MARCHF1: variants seen among roughly 807,000 people sequenced by gnomAD.
MARCHF1 encodes the protein E3 ubiquitin-protein ligase MARCHF1.
Under a neutral mutation model 54.2 loss-of-function variants are expected in MARCHF1, and 40 were observed. The observed-to-expected ratio is 0.74, with a 90% confidence interval of 0.57 to 0.96. The LOEUF is 0.96. Among genes scored for constraint, MARCHF1 ranks in the 40% least tolerant of loss-of-function variants. MARCHF1 has a pLI of 0.00. For missense variants in MARCHF1, 586 were observed against 656.5 expected, an observed-to-expected ratio of 0.89 and a Z score of 1.17; for synonymous variants, 236 against 236.3, an observed-to-expected ratio of 1.00 and a Z score of 0.01.
At chr4:163,602,114 G>A (rs748162989) in intron 7 of MARCHF1, among the ~76,000 whole-genome samples, 6 of 151,882 alleles carry the variant, frequency 4.0e-5, no homozygotes, top group African/African-American at 9.7e-5. Context: ...GTGTGTGTGC[G>A]TCAGTGTCTT....
chr4:163,636,928 C>A (rs1355246300), intron 5 of MARCHF1, among the ~76,000 whole-genome samples: 2 of 152,172 alleles, frequency 1.3e-5, no homozygotes, highest in East Asian at 3.9e-4. Context: ...ACAGAGCCCT[C>A]AGAAATAACG....
rs1738172480 is a variant in MARCHF1 at position 163,527,702 on chromosome 4, A to G, written c.*1046T>C. 2 of 151,870 alleles carry G rather than the reference A, an allele frequency of 1.3e-5. No homozygotes were observed. Among genetic ancestry groups the G allele is most frequent in the Admixed American group, 6.6e-5 (1 of 15,244 alleles). 9.4% of individuals were successfully genotyped at this position (151,870 alleles called of 1,614,324 possible). A position where few individuals can be genotyped will look rare whatever the true frequency, so the allele number is the denominator to read the frequency against. On this transcript the variant is annotated 3_prime_UTR_variant, in exon 10 of 10. Transcript: ENST00000514618. The stretch of plus-strand genomic sequence containing the variant: ...CTCAACAACTGTTAAATAAAGCAGA[A>G]GCTTAGTCTCTAATTTTACGGCTGT...
chr4:163,799,342 T>C (rs751478962), intron 4 of MARCHF1, among the ~76,000 whole-genome samples: 1 of 152,134 alleles, frequency 6.6e-6, no homozygotes, highest in Non-Finnish European at 1.5e-5. Flanking sequence ...TGTTCCTTAA[T>C]TTGCAAGTTT....
At chr4:163,547,963 A>G (rs529107484) in intron 8 of MARCHF1, among the ~76,000 whole-genome samples, 45 of 152,270 alleles carry the variant, frequency 3.0e-4, no homozygotes, top group African/African-American at 7.2e-4. Flanking sequence ...ACAAAGGGTA[A>G]ATATTAATAA....
intron 1 of MARCHF1, among the ~76,000 whole-genome samples, chr4:164,160,212 G>C (rs1308699599): frequency 6.6e-6 from 1 of 152,064 alleles, no homozygotes; most frequent in African/African-American, 2.4e-5. Context: ...ATGCATCCTT[G>C]GGTGATTTCC....
chr4:164,209,312 C>T (rs1437316779), intron 1 of MARCHF1, among the ~76,000 whole-genome samples: 1 of 152,140 alleles, frequency 6.6e-6, no homozygotes, highest in African/African-American at 2.4e-5. Context: ...AATATATCTT[C>T]CAAGATCTCC....
At chr4:164,317,839 C>T (rs953143107) in intron 1 of MARCHF1, among the ~76,000 whole-genome samples, 1 of 152,066 alleles carries the variant, frequency 6.6e-6, no homozygotes, top group African/African-American at 2.4e-5. Context: ...AGGCTGAGGG[C>T]CTACTAAACA....
intron 1 of MARCHF1, among the ~76,000 whole-genome samples, chr4:164,123,375 A>G (rs1171453530): frequency 1.3e-5 from 2 of 152,152 alleles, no homozygotes; most frequent in Non-Finnish European, 2.9e-5. Context: ...TAAAATACCC[A>G]TACTACCGAA....
intron 3 of MARCHF1, among the ~76,000 whole-genome samples, chr4:163,908,742 A>G (rs1751125097): frequency 6.6e-6 from 1 of 152,170 alleles, no homozygotes; most frequent in Admixed American, 6.6e-5. Context: ...AGTCTTGGCT[A>G]AGGGCTAAAA....
intron 4 of MARCHF1, among the ~76,000 whole-genome samples, chr4:163,837,534 T>C (rs1303742546): frequency 6.6e-6 from 1 of 152,066 alleles, no homozygotes; most frequent in African/African-American, 2.4e-5. Flanking sequence ...TTGATTCAGC[T>C]AAACTATATC....
intron 1 of MARCHF1, among the ~76,000 whole-genome samples, chr4:164,272,774 T>C (rs1333658083): frequency 6.6e-6 from 1 of 151,856 alleles, no homozygotes; most frequent in African/African-American, 2.4e-5. Context: ...ATATTTTCTA[T>C]GTATTGAATG....
intron 1 of MARCHF1, among the ~76,000 whole-genome samples, chr4:164,195,860 A>T (rs1731241264): frequency 6.6e-6 from 1 of 151,270 alleles, no homozygotes; most frequent in Non-Finnish European, 1.5e-5. Context: ...ATTTTTATAC[A>T]TGATATTAGT....
chr4:164,373,178 C>T (rs1307065680), intron 1 of MARCHF1, among the ~76,000 whole-genome samples: 1 of 151,960 alleles, frequency 6.6e-6, no homozygotes, highest in Non-Finnish European at 1.5e-5. Context: ...GATAAGGAAA[C>T]CAACATTCTA....
At chr4:164,077,185 T>C (rs796152151) in intron 2 of MARCHF1, among the ~76,000 whole-genome samples, 4 of 152,222 alleles carry the variant, frequency 2.6e-5, no homozygotes, top group African/African-American at 7.2e-5. Flanking sequence ...AACAGATATA[T>C]AGACCAATGG....
At chr4:164,303,266 T>C (rs1420757808) in intron 1 of MARCHF1, among the ~76,000 whole-genome samples, 1 of 152,222 alleles carries the variant, frequency 6.6e-6, no homozygotes, top group African/African-American at 2.4e-5. Context: ...CTTTATAATT[T>C]GTGACCAAAC....
chr4:164,287,265 G>T (rs975307717), intron 1 of MARCHF1, among the ~76,000 whole-genome samples: 2 of 151,752 alleles, frequency 1.3e-5, no homozygotes, highest in African/African-American at 4.8e-5. Context: ...TCATGGGAGT[G>T]GAAAAAAGAG....
intron 2 of MARCHF1, among the ~76,000 whole-genome samples, chr4:164,099,801 A>G (rs558210656): frequency 5.6e-4 from 86 of 152,278 alleles, no homozygotes; most frequent in African/African-American, 1.6e-3. Context: ...TATATGTATA[A>G]ATGCCTTTAA....
At chr4:164,210,456 G>A (rs2111116034) in intron 1 of MARCHF1, among the ~76,000 whole-genome samples, 1 of 152,244 alleles carries the variant, frequency 6.6e-6, no homozygotes, top group Admixed American at 6.5e-5. Flanking sequence ...AAGATCAGGA[G>A]TTCAGTTTGA....
chr4:163,927,684 C>T (rs576576812), intron 3 of MARCHF1, among the ~76,000 whole-genome samples: 75 of 151,838 alleles, frequency 4.9e-4, no homozygotes, highest in African/African-American at 1.6e-3. Flanking sequence ...AAAACAAATG[C>T]TACAGAAACT....
Sources: gnomAD v4.1 joint callset for allele counts (sites outside exome capture counted in the v4.1 genomes callset) on GRCh38, gnomAD v4.1.1 for gene constraint, MANE v1.5 for transcripts, NCBI Gene and HGNC (gene_info 2026-07-23, HGNC 2026-07-21) for gene names.